Variants in GINS1 observed in about 807,000 individuals in gnomAD.
GINS1 encodes GINS complex subunit 1.
In GINS1, 26 loss-of-function variants were observed where a neutral mutation model predicts 34.9. The observed-to-expected ratio is 0.74, with a 90% CI of 0.55 to 1.03. The LOEUF (loss-of-function observed/expected upper bound fraction) is 1.03, where lower values mean the gene tolerates loss of function less well. GINS1 is among the 50% of genes least tolerant of loss of function. The pLI, the probability that GINS1 is intolerant of heterozygous loss-of-function variation, is 0.00. For synonymous variants in GINS1, 97 were observed against 84.4 expected (o/e 1.15, Z -0.82); for missense variants, 235 against 237.9 (o/e 0.99, Z 0.08).
chr20:25,437,279 C>T (rs1031445703), intron 5 of GINS1, among the ~76,000 whole-genome samples: 1 of 152,236 alleles, frequency 6.6e-6, no homozygotes, highest in African/African-American at 2.4e-5. Context: ...TGTCTGCCAG[C>T]CTCATCATTT....
intron 5 of GINS1, among the ~76,000 whole-genome samples, chr20:25,427,277 AACCTCC>A (rs2090397015): frequency 1.3e-5 from 2 of 151,984 alleles, no homozygotes; most frequent in Admixed American, 6.6e-5. Context: ...CCTCAACTGC[AACCTCC>A]ACCTCCCAGG....
intron 1 of GINS1, among the ~76,000 whole-genome samples, chr20:25,410,136 T>C (rs1479350467): frequency 1.3e-5 from 2 of 151,898 alleles, no homozygotes; most frequent in East Asian, 3.9e-4. Flanking sequence ...GGTCCTGAGA[T>C]TGAGACCATC....
rs1410307531 is a variant in GINS1, at chr20:25,447,857, G to C, written c.*1866G>C. 1.3e-5 allele frequency: 2 copies of C among 152,270 alleles called. No homozygotes were observed. The highest frequency in any genetic ancestry group is 2.9e-5 in the Non-Finnish European group (2 of 68,082). 9.4% of individuals were successfully genotyped at this position (152,270 alleles called of 1,614,324 possible). A position where few individuals can be genotyped will look rare whatever the true frequency, so the allele number is the denominator to read the frequency against. ...TGTGAAATTTGGGAACAGGCAGGGT[G>C]TGGTGGCTTATGCCTGTAATCCTAG... On this transcript the variant is annotated 3_prime_UTR_variant, in exon 7 of 7. Coordinates refer to ENST00000262460, the MANE Select transcript of GINS1 (RefSeq NM_021067.5).
At chr20:25,413,744 T>C (rs745680893) in intron 1 of GINS1, 46 bp from the exon 2 acceptor site, 16 of 1,061,698 alleles carry the variant, frequency 1.5e-5, no homozygotes, top group African/African-American at 3.1e-5. Flanking sequence ...TGCCACAGAA[T>C]TGGTGGGGAA....
In GINS1 at chr20:25,415,075, G is replaced by A. The variant is rs2090311881; in HGVS notation, c.140+1221G>A. Among the ~76,000 whole-genome samples the A allele has an allele frequency of 2.6e-5, 4 of 152,292 alleles. No individual in the cohort carries two copies. In the South Asian group the frequency reaches 8.3e-4, roughly 32 times the overall value. ...AGGGTCTCAACTGTCTGTGACATGA[G>A]GTTTCCTCTTTGGGCTTGTTCGCTA... On this transcript the variant is annotated intron_variant, in intron 2 of 6. Coordinates refer to ENST00000262460, the MANE Select transcript of GINS1 (RefSeq NM_021067.5).
chr20:25,407,976 C>G (rs1185113638), intron 1 of GINS1, 81 bp downstream of exon 1: 47 of 1,001,144 alleles, frequency 4.7e-5, no homozygotes, highest in South Asian at 2.7e-5. Flanking sequence ...CGTCAGGGTT[C>G]ACTTTCGCAC....
At chr20:25,420,781 C>CAAAAAAAAAAAA (rs10540213) in intron 4 of GINS1, 1 of 576,362 alleles carries the variant, frequency 1.7e-6, no homozygotes, top group Non-Finnish European at 2.1e-6. Context: ...GACCCTGTCT[C>CAAAAAAAAAAAA]AAAAAAAAAA....
At chr20:25,444,204 G>A (rs959706349) in intron 6 of GINS1, among the ~76,000 whole-genome samples, 2 of 151,804 alleles carry the variant, frequency 1.3e-5, no homozygotes, top group East Asian at 3.9e-4. Flanking sequence ...TAGTAGAGGC[G>A]GGGTTTCACC....
At chr20:25,408,825 ACT>A in intron 1 of GINS1, 1 of 686,502 alleles carries the variant, frequency 1.5e-6, no homozygotes, top group Non-Finnish European at 1.8e-6. Flanking sequence ...GAACCCTGGC[ACT>A]CTGGCTCCAG....
chr20:25,408,335 A>G (rs932901214), intron 1 of GINS1, among the ~76,000 whole-genome samples: 3 of 152,184 alleles, frequency 2.0e-5, no homozygotes, highest in African/African-American at 7.2e-5. Flanking sequence ...GGATGGTGAC[A>G]ATAATAGTAC....
Position 25,407,683 on chromosome 20 carries a change from A to G in GINS1, c.-138A>G, listed in dbSNP as rs2090253803. 5.6e-6 allele frequency: 4 copies of G among 709,562 alleles called. No individual in the cohort carries two copies. The highest frequency in any genetic ancestry group is 1.8e-5 in the African/African-American group (1 of 55,930). The allele number at this position is 709,562 out of a possible 1,614,324, so 44.0% of individuals were successfully genotyped here. On this transcript the variant is annotated 5_prime_UTR_variant, in exon 1 of 7. Transcript: ENST00000262460. ...CTATTGGCTAGCTTTGTTCGGCGCC[A>G]AAGCGCGGAGCGGAGGCCGAGGCGA... is the stretch of plus-strand genomic sequence containing the variant.
At chr20:25,420,645 T>C (rs2090349100) in intron 4 of GINS1, among the ~76,000 whole-genome samples, 2 of 151,800 alleles carry the variant, frequency 1.3e-5, no homozygotes, top group Non-Finnish European at 2.9e-5. Context: ...CTGGGTGTGG[T>C]GGTGTGCACC....
intron 2 of GINS1, among the ~76,000 whole-genome samples, chr20:25,415,204 G>T (rs549199897): frequency 6.6e-6 from 1 of 152,330 alleles, no homozygotes; most frequent in South Asian, 2.1e-4. Context: ...TGTGTATAAG[G>T]AGAGATACAG....
At chr20:25,425,807 T>A (rs1476750286) in intron 5 of GINS1, among the ~76,000 whole-genome samples, 1 of 152,208 alleles carries the variant, frequency 6.6e-6, no homozygotes. Flanking sequence ...TTTTGTTTCA[T>A]TTTGTTTATT....
At chr20:25,415,772 G>T (rs2090317112) in intron 2 of GINS1, among the ~76,000 whole-genome samples, 1 of 151,978 alleles carries the variant, frequency 6.6e-6, no homozygotes. Context: ...ATGCCAAATT[G>T]GGATTCATGC....
chr20:25,415,685 C>CAAAAAA (rs370801254), intron 2 of GINS1, among the ~76,000 whole-genome samples: 1 of 49,152 alleles, frequency 2.0e-5, no homozygotes, highest in Non-Finnish European at 4.8e-5. Flanking sequence ...AACTCCATCT[C>CAAAAAA]AAAAAAAAAA....
chr20:25,415,601 C>T (rs567294676), intron 2 of GINS1, among the ~76,000 whole-genome samples: 9 of 150,124 alleles, frequency 6.0e-5, no homozygotes, highest in Non-Finnish European at 8.8e-5. Context: ...AGGAGAATCG[C>T]TTGAACCTGG....
intron 1 of GINS1, chr20:25,409,059 A>G (rs1302040176): frequency 1.0e-6 from 1 of 982,934 alleles, no homozygotes; most frequent in East Asian, 1.1e-4. Flanking sequence ...GGATGAGGTT[A>G]CTGATCTGAG....
intron 5 of GINS1, among the ~76,000 whole-genome samples, chr20:25,435,038 A>C (rs914681958): frequency 1.3e-5 from 2 of 152,204 alleles, no homozygotes; most frequent in African/African-American, 4.8e-5. Flanking sequence ...TTGAGGATTA[A>C]ATTTCTACCA....
Sources: allele counts gnomAD v4.1 joint callset (sites outside exome capture counted in the v4.1 genomes callset), GRCh38; gene constraint gnomAD v4.1.1; transcripts MANE v1.5; gene names NCBI Gene and HGNC (gene_info 2026-07-23, HGNC 2026-07-21).